The following KCNG2 variants were observed in gnomAD, a reference collection of about 807,000 sequenced individuals.
KCNG2 encodes voltage-gated potassium channel regulatory subunit KCNG2.
Under a neutral mutation model 12.3 loss-of-function variants are expected in KCNG2, and 7 were observed. That is an observed-to-expected ratio of 0.57 (90% CI 0.32 to 1.07). The LOEUF is 1.07. Among genes scored for constraint, KCNG2 ranks in the 50% least tolerant of loss-of-function variants. The pLI, the probability that KCNG2 is intolerant of heterozygous loss-of-function variation, is 0.04. For synonymous variants in KCNG2, 414 were observed against 351.4 expected (o/e 1.18, Z -1.99); for missense variants, 703 against 726.0 (o/e 0.97, Z 0.36).
At chr18:79,850,019 T>A (rs766604108) in intron 1 of KCNG2, among the ~76,000 whole-genome samples, 19 of 152,118 alleles carry the variant, frequency 1.2e-4, no homozygotes, top group Non-Finnish European at 2.4e-4. Context: ...CAGGGCCGTG[T>A]GAAAACCCGC....
intron 1 of KCNG2, among the ~76,000 whole-genome samples, chr18:79,827,674 T>C (rs1191711506): frequency 1.3e-5 from 2 of 152,064 alleles, no homozygotes; most frequent in Non-Finnish European, 2.9e-5. Context: ...ATTTCGCTTC[T>C]TCTGAATGCA....
At chr18:79,846,332 G>A (rs1204645301) in intron 1 of KCNG2, among the ~76,000 whole-genome samples, 1 of 130,532 alleles carries the variant, frequency 7.7e-6, no homozygotes, top group African/African-American at 2.9e-5. Context: ...GAGATCGTGT[G>A]CCACTGCAGT....
intron 1 of KCNG2, among the ~76,000 whole-genome samples, chr18:79,805,384 G>A (rs114186283): frequency 0.019 from 2,840 of 152,270 alleles, 103 homozygotes; most frequent in African/African-American, 0.065. Context: ...AGGGCCTGCC[G>A]CGCACTCGGG....
intron 1 of KCNG2, among the ~76,000 whole-genome samples, chr18:79,853,801 C>T (rs938289847): frequency 3.3e-4 from 51 of 152,354 alleles, no homozygotes; most frequent in Admixed American, 2.5e-3. Flanking sequence ...GGCCCCGCGC[C>T]GGGGACAGAT....
chr18:79,868,880 C>T (rs1419511439), intron 3 of KCNG2, among the ~76,000 whole-genome samples: 2 of 152,202 alleles, frequency 1.3e-5, no homozygotes, highest in Non-Finnish European at 1.5e-5. Context: ...CTGGAGAGCA[C>T]GTGGGTGCGA....
At chr18:79,811,302 C>G (rs2087492580) in intron 1 of KCNG2, among the ~76,000 whole-genome samples, 1 of 152,200 alleles carries the variant, frequency 6.6e-6, no homozygotes, top group Admixed American at 6.5e-5. Context: ...AGTTGGAGTT[C>G]TCACACTATT....
At chr18:79,826,597 G>A (rs35270082) in intron 1 of KCNG2, among the ~76,000 whole-genome samples, 20 of 139,808 alleles carry the variant, frequency 1.4e-4, no homozygotes, top group African/African-American at 5.2e-4. Context: ...ACGTCATTAC[G>A]TTCAGTGAAA....
intron 1 of KCNG2, among the ~76,000 whole-genome samples, chr18:79,812,029 A>G (rs1376241774): frequency 6.6e-6 from 1 of 152,202 alleles, no homozygotes; most frequent in African/African-American, 2.4e-5. Flanking sequence ...GAGAGGAGAA[A>G]GAGTGGGGCT....
chr18:79,811,872 C>G, intron 1 of KCNG2, among the ~76,000 whole-genome samples: 1 of 152,122 alleles, frequency 6.6e-6, no homozygotes, highest in Admixed American at 6.6e-5. Flanking sequence ...GGAGATCACG[C>G]TGGATGGAAT....
At chr18:79,849,080 A>T (rs1190897447) in intron 1 of KCNG2, among the ~76,000 whole-genome samples, 1 of 151,894 alleles carries the variant, frequency 6.6e-6, no homozygotes, top group African/African-American at 2.4e-5. Context: ...CACGCAGGCC[A>T]CTCGGCCGCT....
Position 79,803,249 on chromosome 18 carries a change from CAT to C in KCNG2, c.-115+5236_-115+5237del. ...AGTCACAGGGCAGGGCCAGCCCCCT[CAT>C]CTCCAGGCCCCCAGCTCTTTCACCT... On this transcript the variant is annotated intron_variant, in intron 1 of 3. Transcript: ENST00000316249. This position sits in a 1 kb window ranked among gnomAD's most constrained non-coding sequence, Gnocchi z 4.5. Among the ~76,000 whole-genome samples the C allele has an allele frequency of 6.6e-6, 1 of 151,946 alleles. No individual in the cohort carries two copies. Among genetic ancestry groups the C allele is most frequent in the African/African-American group, 2.4e-5 (1 of 41,316 alleles).
intron 3 of KCNG2, among the ~76,000 whole-genome samples, chr18:79,873,426 T>TCCCCCCCCCCCCC (rs138533244): frequency 2.3e-5 from 2 of 86,664 alleles, no homozygotes; most frequent in African/African-American, 4.2e-5. Flanking sequence ...CCGGCCCCCC[T>TCCCCCCCCCCCCC]CCCCCCCCCC....
In KCNG2 at chr18:79,829,215, CAT is replaced by C. The variant is rs574678721; in HGVS notation, c.-114-27163_-114-27162del. Among the ~76,000 whole-genome samples, 177 of 135,048 alleles carry C rather than the reference CAT, an allele frequency of 1.3e-3. 3 individuals carry two copies. Among genetic ancestry groups the C allele is most frequent in the African/African-American group, 4.7e-3 (161 of 34,484 alleles). The allele number at this position is 135,048 out of a possible 152,430, so 88.6% of individuals were successfully genotyped here. ...GTCTGTGTGTGGGTGTCTATGTGTG[CAT>C]GTGTGTGTAACGTGTCTGTGTGTAA... is the stretch of plus-strand genomic sequence containing the variant. On this transcript the variant is annotated intron_variant, in intron 1 of 3. Transcript: ENST00000316249.
chr18:79,882,756 TGGAGCGCGGAGGCCGG>T (rs1980350386), intron 3 of KCNG2, among the ~76,000 whole-genome samples: 1 of 146,070 alleles, frequency 6.8e-6, no homozygotes, highest in African/African-American at 2.5e-5. Flanking sequence ...GAGGCTGCCG[TGGAGCGCGGAGGCCGG>T]GTACACCTGC....
At position 79,900,005 on chromosome 18, in the gene KCNG2, G is replaced by A; in HGVS notation, c.*189G>A. ...GCCTGACTCCCCGTGGCAGCGCTGG[G>A]CAAAGTCACTGGCCTTTGTCCTCCT... On this transcript the variant is annotated 3_prime_UTR_variant, in exon 4 of 4. Coordinates refer to ENST00000316249, the MANE Select transcript of KCNG2 (RefSeq NM_012283.2). 2.4e-6 allele frequency: 1 copy of A among 415,954 alleles called. No homozygotes were observed. Among genetic ancestry groups the A allele is most frequent in the Admixed American group, 4.6e-5 (1 of 21,882 alleles). The allele number at this position is 415,954 out of a possible 1,614,324, so 25.8% of individuals were successfully genotyped here. A position where few individuals can be genotyped will look rare whatever the true frequency, so the allele number is the denominator to read the frequency against.
intron 3 of KCNG2, among the ~76,000 whole-genome samples, chr18:79,878,141 G>A (rs1453670121): frequency 3.3e-5 from 5 of 152,272 alleles, no homozygotes; most frequent in East Asian, 1.9e-4. Flanking sequence ...CACACAGAGC[G>A]CCACAGGAAG....
At chr18:79,836,582 A>G (rs1308008219) in intron 1 of KCNG2, among the ~76,000 whole-genome samples, 1 of 152,204 alleles carries the variant, frequency 6.6e-6, no homozygotes, top group Non-Finnish European at 1.5e-5. Flanking sequence ...TGGGTAATTT[A>G]TGAAGAAAAA....
chr18:79,899,630 C>T lies in KCNG2; in HGVS notation c.1215C>T (p.Phe405=). ...TGGCCTTCCCGGTCACCTCCATCTT[C>T]CACACCTTTTCGCGCTCCTACTCCG... ...LLMAFPVTSI[F]HTFSRSYSEL... The change falls in exon 4 of 4, where the codon TTC becomes TTT. Residue 405 remains phenylalanine (F), a synonymous_variant. Transcript: ENST00000316249. The T allele has an allele frequency of 6.2e-7, 1 of 1,604,064 alleles. No individual in the cohort carries two copies. The highest frequency in any genetic ancestry group is 8.5e-7 in the Non-Finnish European group (1 of 1,175,220).
At chr18:79,814,910 CT>C (rs11392136) in intron 1 of KCNG2, among the ~76,000 whole-genome samples, 257 of 142,786 alleles carry the variant, frequency 1.8e-3, no homozygotes, top group South Asian at 5.4e-3. Context: ...ACCCTGTGTG[CT>C]TTTTTTTTTT....
Sources: gnomAD v4.1 joint callset for allele counts (sites outside exome capture counted in the v4.1 genomes callset) on GRCh38, gnomAD v4.1.1 for gene constraint, Gnocchi (gnomAD v3.1) non-coding constraint, MANE v1.5 for transcripts, NCBI Gene and HGNC (gene_info 2026-07-23, HGNC 2026-07-21) for gene names.